The following SDK1 variants were observed in gnomAD, a reference collection of about 807,000 sequenced individuals.
SDK1 encodes sidekick cell adhesion molecule 1, also known as protein sidekick-1.
In SDK1, 157 loss-of-function variants were observed where a neutral mutation model predicts 245.5. The ratio of observed to expected loss-of-function variants is 0.64; its 90% CI spans 0.56 to 0.73. SDK1 has a LOEUF of 0.73. Ranked by LOEUF, SDK1 falls within the 30% of genes least tolerant of loss-of-function variation. SDK1 has a pLI of 0.00. For synonymous variants in SDK1, 1,647 were observed against 1,278.5 expected, an observed-to-expected ratio of 1.29 and a Z score of -6.15; for missense variants, 3,583 against 3,002.3, an observed-to-expected ratio of 1.19 and a Z score of -4.52.
chr7:3,744,334 T>G (rs1238440693), intron 4 of SDK1, among the ~76,000 whole-genome samples: 1 of 152,140 alleles, frequency 6.6e-6, no homozygotes, highest in Non-Finnish European at 1.5e-5. Flanking sequence ...TACATTTAGC[T>G]TCTTTGTCTG....
intron 1 of SDK1, among the ~76,000 whole-genome samples, chr7:3,448,381 G>C (rs9969296): frequency 0.75 from 114,320 of 151,976 alleles, 43,224 homozygotes; most frequent in South Asian, 0.83. Context: ...TCTGGGAGTA[G>C]TTTTTATATT....
intron 5 of SDK1, among the ~76,000 whole-genome samples, chr7:3,895,638 T>C (rs1449002535): frequency 1.4e-5 from 2 of 139,342 alleles, no homozygotes; most frequent in Non-Finnish European, 3.1e-5. Context: ...AGGCTTCTTC[T>C]TCTTCCTCTT....
chr7:4,237,588 A>T (rs1786251625), intron 41 of SDK1, 59 bp from the exon 42 acceptor site: 2 of 1,602,364 alleles, frequency 1.2e-6, no homozygotes, highest in African/African-American at 2.7e-5. Context: ...GACTCGCGGG[A>T]GGTGACTGCA....
intron 33 of SDK1, among the ~76,000 whole-genome samples, chr7:4,175,198 A>T (rs937656740): frequency 1.3e-5 from 2 of 152,192 alleles, no homozygotes; most frequent in Non-Finnish European, 2.9e-5. Context: ...CATGATGTTG[A>T]TGAATGTTGA....
At chr7:3,508,409 C>T (rs536439717) in intron 1 of SDK1, among the ~76,000 whole-genome samples, 4 of 150,314 alleles carry the variant, frequency 2.7e-5, no homozygotes, top group Admixed American at 6.7e-5. Context: ...CTCACTGTAA[C>T]CTCTACCTCC....
At chr7:3,512,603 C>T (rs769010288) in intron 1 of SDK1, among the ~76,000 whole-genome samples, 7 of 152,154 alleles carry the variant, frequency 4.6e-5, no homozygotes, top group African/African-American at 7.2e-5. Context: ...CCCATTGCTC[C>T]GCATCCTCTT....
chr7:3,384,572 C>G (rs1430133052), intron 1 of SDK1, among the ~76,000 whole-genome samples: 2 of 147,814 alleles, frequency 1.4e-5, no homozygotes, highest in African/African-American at 2.4e-5. Context: ...CATTTCCACT[C>G]TTGTTTTACA....
chr7:4,177,112 C>G (rs1184192928), intron 34 of SDK1, among the ~76,000 whole-genome samples: 1 of 152,250 alleles, frequency 6.6e-6, no homozygotes, highest in South Asian at 2.1e-4. Flanking sequence ...GGCAGCACAG[C>G]TCCAACATGT....
At chr7:3,964,861 G>A (rs1011004114) in intron 9 of SDK1, among the ~76,000 whole-genome samples, 1 of 152,174 alleles carries the variant, frequency 6.6e-6, no homozygotes, top group Non-Finnish European at 1.5e-5. Context: ...CGGTGAACTA[G>A]GGGTCCCTTC....
At chr7:3,474,105 T>G (rs1781270881) in intron 1 of SDK1, among the ~76,000 whole-genome samples, 5 of 132,796 alleles carry the variant, frequency 3.8e-5, no homozygotes, top group African/African-American at 1.2e-4. Context: ...TTTTTTTTTT[T>G]TTTTTTTTTT....
intron 4 of SDK1, among the ~76,000 whole-genome samples, chr7:3,702,180 A>T (rs1784760154): frequency 6.6e-6 from 1 of 152,192 alleles, no homozygotes; most frequent in Non-Finnish European, 1.5e-5. Context: ...CTGCAAGGGG[A>T]TGAAAAGACA....
At chr7:3,551,699 A>T (rs1779419297) in intron 1 of SDK1, among the ~76,000 whole-genome samples, 1 of 152,096 alleles carries the variant, frequency 6.6e-6, no homozygotes, top group Non-Finnish European at 1.5e-5. Flanking sequence ...ATTTACAGAC[A>T]GGCTCTCAGT....
chr7:4,175,855 A>C, intron 34 of SDK1, 21 bp downstream of exon 34: 1 of 1,608,116 alleles, frequency 6.2e-7, no homozygotes, highest in Non-Finnish European at 8.5e-7. Flanking sequence ...TCTCAGCGGG[A>C]GGCCCATGCC....
chr7:3,595,789 C>G (rs1361202540), intron 1 of SDK1, among the ~76,000 whole-genome samples: 1 of 128,252 alleles, frequency 7.8e-6, no homozygotes, highest in Admixed American at 9.3e-5. Flanking sequence ...GATAGTGCCA[C>G]TGCACTCCAG....
intron 4 of SDK1, among the ~76,000 whole-genome samples, chr7:3,671,807 G>A (rs989246629): frequency 3.9e-5 from 6 of 152,156 alleles, no homozygotes; most frequent in Non-Finnish European, 7.4e-5. Flanking sequence ...AAATTATAAC[G>A]CCAGTGGGAA....
At position 3,887,625 on chromosome 7, in the gene SDK1, C is replaced by CA. The variant is rs552502574; in HGVS notation, c.848-63291dup. Among the ~76,000 whole-genome samples, 15 of 152,104 alleles carry CA rather than the reference C, an allele frequency of 9.9e-5. No homozygotes were observed. The East Asian group carries it at 2.9e-3, about 29-fold the overall frequency. On this transcript the variant is annotated intron_variant, in intron 5 of 44. Transcript: ENST00000404826. ...TCATTTGTTTGGTTATTTAACAAAA[C>CA]AAAAAAAGCATGTTGTCATTTTCCC...
intron 1 of SDK1, among the ~76,000 whole-genome samples, chr7:3,442,854 C>A (rs1292121292): frequency 6.6e-6 from 1 of 152,100 alleles, no homozygotes; most frequent in African/African-American, 2.4e-5. Context: ...ATTACTTGTT[C>A]TACTCACTGT....
intron 1 of SDK1, among the ~76,000 whole-genome samples, chr7:3,401,962 C>G (rs915063472): frequency 5.9e-5 from 9 of 152,068 alleles, no homozygotes; most frequent in Admixed American, 5.9e-4. Context: ...TTTACTGCAT[C>G]TGTCGATTAG....
chr7:4,225,751 A>G (rs1234664406), intron 40 of SDK1, among the ~76,000 whole-genome samples: 2 of 152,150 alleles, frequency 1.3e-5, no homozygotes, highest in Non-Finnish European at 2.9e-5. Flanking sequence ...GTCTGAGCTC[A>G]GCAGGGTTGG....
Sources: allele counts gnomAD v4.1 joint callset (sites outside exome capture counted in the v4.1 genomes callset), GRCh38; gene constraint gnomAD v4.1.1; transcripts MANE v1.5; gene names NCBI Gene and HGNC (gene_info 2026-07-23, HGNC 2026-07-21).